The following TENM4 variants were observed in gnomAD, a reference collection of about 807,000 sequenced individuals.
The protein encoded by TENM4 is teneurin-4.
TENM4 carries 82 observed loss-of-function variants against 243.3 expected under a neutral mutation model. The ratio of observed to expected loss-of-function variants is 0.34; its 90% CI spans 0.28 to 0.40. TENM4 has a LOEUF of 0.40. Among genes scored for constraint, TENM4 ranks in the 10% least tolerant of loss-of-function variants. TENM4 has a pLI of 1.00. For missense variants in TENM4, 3,138 were observed against 3,673.3 expected (o/e 0.85, Z 3.77); for synonymous variants, 1,412 against 1,456.3 (o/e 0.97, Z 0.69).
At chr11:79,128,182 G>T (rs983194045) in intron 4 of TENM4, among the ~76,000 whole-genome samples, 6 of 152,320 alleles carry the variant, frequency 3.9e-5, no homozygotes, top group Non-Finnish European at 7.4e-5. Context: ...GTAAATCACA[G>T]CAGAGGCCTC....
chr11:79,366,324 A>G (rs1230716438), intron 1 of TENM4, among the ~76,000 whole-genome samples: 1 of 152,228 alleles, frequency 6.6e-6, no homozygotes, highest in Non-Finnish European at 1.5e-5. Flanking sequence ...GGGCTCCTAA[A>G]GGCCCTTGGA....
intron 20 of TENM4, among the ~76,000 whole-genome samples, chr11:78,737,047 A>C (rs1228786089): frequency 1.3e-5 from 2 of 152,238 alleles, no homozygotes; most frequent in Non-Finnish European, 1.5e-5. Flanking sequence ...ACCAACCACA[A>C]CAGGGCATAA....
Position 78,670,519 on chromosome 11 carries a change from C to A in TENM4, c.5826G>T (p.Gln1942His). 1.2e-6 allele frequency: 2 copies of A among 1,611,240 alleles called. No individual in the cohort carries two copies. Among genetic ancestry groups the A allele is most frequent in the South Asian group, 2.2e-5 (2 of 90,624 alleles). Residue 1942 changes from glutamine to histidine, a missense_variant, in exon 32 of 34, where the codon CAG (glutamine) becomes CAT (histidine). Coordinates refer to ENST00000278550, the MANE Select transcript of TENM4 (RefSeq NM_001098816.3). ...CATTCTTGTCGAACTCAAAGATATA[C>A]TGCCTCTGGCTGTGTAGTAGCAGCA... Reference protein sequence around the residue: ...SMVLLLHSQRQYIFEFDKNDR... With the variant: ...SMVLLLHSQRHYIFEFDKNDR...
At chr11:78,835,004 A>AAGTCTGCTGGCATCTTGTCTGCTGGCC (rs1449477780) in intron 12 of TENM4, among the ~76,000 whole-genome samples, 1 of 152,008 alleles carries the variant, frequency 6.6e-6, no homozygotes, top group Non-Finnish European at 1.5e-5. Flanking sequence ...TCTTTTTTTC[A>AAGTCTGCTGGCATCTTGTCTGCTGGCC]AAAGTCTGCT....
chr11:79,254,855 C>T (rs756374043), intron 2 of TENM4, among the ~76,000 whole-genome samples: 58 of 152,268 alleles, frequency 3.8e-4, no homozygotes, highest in Non-Finnish European at 7.6e-4. Flanking sequence ...TTGTTCTTCC[C>T]TGGGAATAAT....
At chr11:79,192,724 G>A (rs1472443748) in intron 3 of TENM4, among the ~76,000 whole-genome samples, 2 of 147,196 alleles carry the variant, frequency 1.4e-5, no homozygotes, top group Admixed American at 6.8e-5. Flanking sequence ...CCCTCTGTGA[G>A]AAACACCCAA....
At chr11:78,958,808 A>T (rs1410589366) in intron 6 of TENM4, among the ~76,000 whole-genome samples, 5 of 152,258 alleles carry the variant, frequency 3.3e-5, no homozygotes, top group Non-Finnish European at 7.3e-5. Flanking sequence ...ATTCTTTGTA[A>T]TTTAAAATAT....
At chr11:78,864,537 G>T (rs145962520) in intron 9 of TENM4, among the ~76,000 whole-genome samples, 18 of 142,198 alleles carry the variant, frequency 1.3e-4, no homozygotes, top group African/African-American at 4.4e-4. Flanking sequence ...AGGCGCAAAA[G>T]AATGAACATT....
chr11:79,003,910 C>A (rs545537592), intron 6 of TENM4, among the ~76,000 whole-genome samples: 3 of 151,332 alleles, frequency 2.0e-5, no homozygotes. Context: ...CTATGGCACC[C>A]ACAGGCTTAA....
chr11:78,842,918 A>C lies in TENM4; in HGVS notation c.1681+11186T>G, dbSNP rs560757978. On this transcript the variant is annotated intron_variant, in intron 12 of 33. Transcript: ENST00000278550. ...GCCAGGTGTGATGGCTCATGCCTGT[A>C]ATCCCAGCGCTTTGGGAGGCTGAGG... Among the ~76,000 whole-genome samples, 208 of 152,310 alleles carry C rather than the reference A, an allele frequency of 1.4e-3. 1 individual carries two copies. The highest frequency in any genetic ancestry group is 4.5e-3 in the African/African-American group (185 of 41,556).
chr11:78,997,517 C>CA (rs1172636753), intron 6 of TENM4, among the ~76,000 whole-genome samples: 2 of 152,230 alleles, frequency 1.3e-5, no homozygotes, highest in Non-Finnish European at 2.9e-5. Context: ...GAGCTACCCA[C>CA]ATGCAAAGCA....
chr11:79,186,448 C>T (rs1480729440), intron 3 of TENM4, among the ~76,000 whole-genome samples: 1 of 152,204 alleles, frequency 6.6e-6, no homozygotes, highest in Non-Finnish European at 1.5e-5. Context: ...ATAGCAATTC[C>T]AGAAAGCAGG....
intron 3 of TENM4, among the ~76,000 whole-genome samples, chr11:79,184,022 T>G (rs1170315436): frequency 6.6e-6 from 1 of 152,138 alleles, no homozygotes; most frequent in East Asian, 1.9e-4. Context: ...CCAAAAGAAC[T>G]GAGAGCAGGG....
intron 6 of TENM4, among the ~76,000 whole-genome samples, chr11:78,998,482 A>G (rs558488718): frequency 1.3e-5 from 2 of 152,380 alleles, no homozygotes; most frequent in Admixed American, 6.5e-5. Flanking sequence ...AAGTTTGACA[A>G]AATTGACAAA....
intron 1 of TENM4, among the ~76,000 whole-genome samples, chr11:79,308,830 C>T (rs750663448): frequency 1.3e-5 from 2 of 152,156 alleles, no homozygotes; most frequent in Non-Finnish European, 2.9e-5. Flanking sequence ...TTTCCTCACC[C>T]GTAAAATGGG....
intron 9 of TENM4, among the ~76,000 whole-genome samples, chr11:78,878,315 A>T (rs1031163932): frequency 2.6e-5 from 4 of 152,076 alleles, no homozygotes; most frequent in African/African-American, 9.7e-5. Flanking sequence ...TATGACGGAA[A>T]TTTTTTCGGC....
At chr11:79,205,345 G>A (rs1331032181) in intron 3 of TENM4, among the ~76,000 whole-genome samples, 4 of 152,164 alleles carry the variant, frequency 2.6e-5, no homozygotes, top group African/African-American at 9.7e-5. Flanking sequence ...TGGTACTCAT[G>A]TGTGTATGGG....
chr11:78,819,346 G>C (rs1014654242), intron 12 of TENM4, among the ~76,000 whole-genome samples: 24 of 152,234 alleles, frequency 1.6e-4, no homozygotes, highest in Non-Finnish European at 1.5e-5. Context: ...GTTGAGGAAA[G>C]TCTGCCCTCA....
chr11:79,031,829 C>T (rs1859247347), intron 6 of TENM4, among the ~76,000 whole-genome samples: 2 of 152,260 alleles, frequency 1.3e-5, no homozygotes, highest in South Asian at 4.1e-4. Flanking sequence ...TTTTGCTATC[C>T]AGGGGGTCAT....
Sources: allele counts gnomAD v4.1 joint callset (sites outside exome capture counted in the v4.1 genomes callset), GRCh38; gene constraint gnomAD v4.1.1; transcripts MANE v1.5; gene names NCBI Gene and HGNC (gene_info 2026-07-23, HGNC 2026-07-21).